PTPRD: variants seen among roughly 807,000 people sequenced by gnomAD.
PTPRD encodes receptor-type tyrosine-protein phosphatase delta.
In PTPRD, 34 loss-of-function variants were observed where a neutral mutation model predicts 214.5. The ratio of observed to expected loss-of-function variants is 0.16; its 90% CI spans 0.12 to 0.21. The LOEUF (loss-of-function observed/expected upper bound fraction) is 0.21. Among genes scored for constraint, PTPRD ranks in the 10% least tolerant of loss-of-function variants. PTPRD has a pLI of 1.00. For missense variants in PTPRD, 2,545 were observed against 2,398.7 expected (o/e 1.06, Z -1.27); for synonymous variants, 1,128 against 845.7 (o/e 1.33, Z -5.79).
chr9:9,268,917 T>C (rs1474111775), intron 9 of PTPRD, among the ~76,000 whole-genome samples: 1 of 144,474 alleles, frequency 6.9e-6, no homozygotes, highest in African/African-American at 2.5e-5. Context: ...GAAGAAAACA[T>C]AGAAGAAAAG....
chr9:9,289,500 C>G (rs1950502142), intron 9 of PTPRD, among the ~76,000 whole-genome samples: 3 of 151,696 alleles, frequency 2.0e-5, no homozygotes, highest in Non-Finnish European at 2.9e-5. Context: ...TGTGTGTCTG[C>G]TCTCTTCAAA....
At chr9:9,948,434 A>G (rs992139894) in intron 4 of PTPRD, among the ~76,000 whole-genome samples, 4 of 152,118 alleles carry the variant, frequency 2.6e-5, no homozygotes, top group East Asian at 1.9e-4. Flanking sequence ...CTGAAAAAGA[A>G]TAAGTCTTAC....
intron 11 of PTPRD, among the ~76,000 whole-genome samples, chr9:8,805,995 A>AG (rs1355620342): frequency 1.6e-5 from 2 of 128,328 alleles, no homozygotes; most frequent in African/African-American, 3.1e-5. Flanking sequence ...ACTCCGTCTC[A>AG]GAAAAAAAAA....
intron 8 of PTPRD, among the ~76,000 whole-genome samples, chr9:9,420,474 G>A (rs1317631065): frequency 1.3e-5 from 2 of 151,804 alleles, no homozygotes; most frequent in Non-Finnish European, 2.9e-5. Context: ...CTATACTACT[G>A]CCATTATATT....
At chr9:8,782,738 C>T (rs910568911) in intron 11 of PTPRD, among the ~76,000 whole-genome samples, 3 of 151,854 alleles carry the variant, frequency 2.0e-5, no homozygotes, top group East Asian at 1.9e-4. Context: ...GCTGGGATTA[C>T]AGGCGCACAC....
intron 2 of PTPRD, among the ~76,000 whole-genome samples, chr9:10,480,519 C>G (rs776152771): frequency 6.6e-6 from 1 of 151,602 alleles, no homozygotes; most frequent in Non-Finnish European, 1.5e-5. Context: ...AGAAAAAAAG[C>G]AAGACATTTT....
intron 3 of PTPRD, among the ~76,000 whole-genome samples, chr9:10,314,238 T>C (rs942682824): frequency 6.6e-6 from 1 of 151,908 alleles, no homozygotes; most frequent in African/African-American, 2.4e-5. Flanking sequence ...AAGAACAGAT[T>C]GAAAATTATT....
intron 10 of PTPRD, among the ~76,000 whole-genome samples, chr9:9,178,839 A>G (rs2099926471): frequency 6.6e-6 from 1 of 152,080 alleles, no homozygotes; most frequent in Non-Finnish European, 1.5e-5. Context: ...CATCCTGCTG[A>G]GCTTTCTTCT....
intron 10 of PTPRD, among the ~76,000 whole-genome samples, chr9:9,111,325 G>C (rs554468542): frequency 3.3e-4 from 47 of 140,304 alleles, no homozygotes; most frequent in African/African-American, 1.2e-3. Context: ...TTTTAACCTA[G>C]CTGACTGTTC....
In PTPRD at chr9:8,592,659, G is replaced by A. The variant is rs570768085; in HGVS notation, c.352+40658C>T. Among the ~76,000 whole-genome samples the A allele has an allele frequency of 1.4e-3, 212 of 152,216 alleles. 1 individual carries two copies. The highest frequency in any genetic ancestry group is 4.8e-3 in the African/African-American group (199 of 41,570). On this transcript the variant is annotated intron_variant, in intron 14 of 45. Coordinates refer to ENST00000381196, the MANE Select transcript of PTPRD (RefSeq NM_002839.4). Reference sequence around the variant, plus strand: ...TCTTTTCTTTATTCACATGACAAAGGTTGAATATCGTGGTTACTGAGTGGC... The same window carrying A: ...TCTTTTCTTTATTCACATGACAAAGATTGAATATCGTGGTTACTGAGTGGC...
chr9:9,550,387 C>T (rs1164607300), intron 8 of PTPRD, among the ~76,000 whole-genome samples: 1 of 146,060 alleles, frequency 6.8e-6, no homozygotes. Context: ...ATAGTTCTCT[C>T]TCTATATATA....
At chr9:8,335,699 A>AAT (rs1845964640) in intron 43 of PTPRD, among the ~76,000 whole-genome samples, 1 of 152,178 alleles carries the variant, frequency 6.6e-6, no homozygotes. Flanking sequence ...GAGGAAGTGA[A>AAT]ATTGTCTCTG....
At chr9:10,501,416 T>C (rs539513910) in intron 2 of PTPRD, among the ~76,000 whole-genome samples, 2 of 152,140 alleles carry the variant, frequency 1.3e-5, no homozygotes, top group East Asian at 3.9e-4. Context: ...GAGCTCCTTA[T>C]ATATTCTGGT....
At chr9:10,415,568 T>C (rs551256868) in intron 2 of PTPRD, among the ~76,000 whole-genome samples, 2 of 151,998 alleles carry the variant, frequency 1.3e-5, no homozygotes, top group South Asian at 2.1e-4. Context: ...ATTCTTGCTG[T>C]CCTTAAAGAT....
At chr9:10,222,447 A>G (rs1223740425) in intron 3 of PTPRD, among the ~76,000 whole-genome samples, 1 of 152,108 alleles carries the variant, frequency 6.6e-6, no homozygotes, top group Non-Finnish European at 1.5e-5. Context: ...ATAGCATCCT[A>G]TGTCTTTATT....
chr9:10,423,031 A>T (rs2098560402), intron 2 of PTPRD, among the ~76,000 whole-genome samples: 1 of 152,134 alleles, frequency 6.6e-6, no homozygotes, highest in Admixed American at 6.6e-5. Flanking sequence ...CACTATTCAC[A>T]ATAGCAAAGA....
At chr9:9,380,311 G>C (rs1268589976) in intron 9 of PTPRD, among the ~76,000 whole-genome samples, 1 of 151,874 alleles carries the variant, frequency 6.6e-6, no homozygotes, top group Non-Finnish European at 1.5e-5. Context: ...ATTGTCTTGA[G>C]ATTTCTTCTT....
At chr9:9,673,310 T>C (rs2096865770) in intron 7 of PTPRD, among the ~76,000 whole-genome samples, 1 of 151,956 alleles carries the variant, frequency 6.6e-6, no homozygotes, top group African/African-American at 2.4e-5. Context: ...TCATTCACCA[T>C]GATATACTTG....
At chr9:8,812,464 C>T (rs1217515773) in intron 11 of PTPRD, among the ~76,000 whole-genome samples, 5 of 152,090 alleles carry the variant, frequency 3.3e-5, no homozygotes, top group African/African-American at 1.2e-4. Flanking sequence ...CATCAATTCC[C>T]ACTTATTTTT....
Sources: allele counts gnomAD v4.1 joint callset (sites outside exome capture counted in the v4.1 genomes callset), GRCh38; gene constraint gnomAD v4.1.1; transcripts MANE v1.5; gene names NCBI Gene and HGNC (gene_info 2026-07-23, HGNC 2026-07-21).